Variants in FBXW7 observed in about 807,000 individuals in gnomAD.
FBXW7 encodes F-box and WD repeat domain containing 7, also known as F-box/WD repeat-containing protein 7.
FBXW7 carries 11 observed loss-of-function variants against 86.3 expected under a neutral mutation model. The ratio of observed to expected loss-of-function variants is 0.13; its 90% CI spans 0.08 to 0.21. The LOEUF is 0.21. Ranked by LOEUF, FBXW7 falls within the 10% of genes least tolerant of loss-of-function variation. The probability of loss-of-function intolerance (pLI) is 1.00; values close to 1 mark genes in which losing one functional copy is unlikely to be tolerated. For missense variants in FBXW7, 488 were observed against 847.4 expected (o/e 0.58, Z 5.27); for synonymous variants, 313 against 297.9 (o/e 1.05, Z -0.52).
chr4:152,375,132 A>G (rs1340027171), intron 4 of FBXW7, among the ~76,000 whole-genome samples: 1 of 152,044 alleles, frequency 6.6e-6, no homozygotes, highest in Non-Finnish European at 1.5e-5. Context: ...TGACAAAGCT[A>G]TGACAGAAAT....
chr4:152,377,517 C>T (rs1014221583), intron 4 of FBXW7, among the ~76,000 whole-genome samples: 1 of 151,076 alleles, frequency 6.6e-6, no homozygotes, highest in African/African-American at 2.4e-5. Flanking sequence ...TCTGGGAGAC[C>T]GAGGCAGGTG....
chr4:152,498,573 T>C (rs748247107), intron 2 of FBXW7, among the ~76,000 whole-genome samples: 1 of 152,186 alleles, frequency 6.6e-6, no homozygotes, highest in Non-Finnish European at 1.5e-5. Flanking sequence ...GCAAGCGATA[T>C]AAAGAGGCAT....
intron 2 of FBXW7, among the ~76,000 whole-genome samples, chr4:152,446,722 C>T (rs1420687472): frequency 6.6e-6 from 1 of 152,186 alleles, no homozygotes; most frequent in African/African-American, 2.4e-5. Context: ...AAGTAGTCAA[C>T]ACTCTGGTGT....
At chr4:152,385,493 G>T (rs1735451196) in intron 4 of FBXW7, among the ~76,000 whole-genome samples, 1 of 151,768 alleles carries the variant, frequency 6.6e-6, no homozygotes, top group Non-Finnish European at 1.5e-5. Context: ...CTAACGGGGG[G>T]AAAAAAGATT....
intron 4 of FBXW7, among the ~76,000 whole-genome samples, chr4:152,395,481 G>A (rs1736340806): frequency 6.6e-6 from 1 of 151,954 alleles, no homozygotes; most frequent in Non-Finnish European, 1.5e-5. Flanking sequence ...TTTATTATAT[G>A]TATTTTTCCT....
At chr4:152,485,488 T>C (rs534974341) in intron 2 of FBXW7, among the ~76,000 whole-genome samples, 1 of 144,602 alleles carries the variant, frequency 6.9e-6, no homozygotes, top group East Asian at 2.0e-4. Context: ...ATTGATGTTA[T>C]TGGTAAACTG....
chr4:152,352,137 G>C (rs1362975651), intron 4 of FBXW7, among the ~76,000 whole-genome samples: 1 of 152,042 alleles, frequency 6.6e-6, no homozygotes, highest in South Asian at 2.1e-4. Flanking sequence ...ACAAGGTATA[G>C]AAAAATTGAA....
intron 4 of FBXW7, among the ~76,000 whole-genome samples, chr4:152,391,842 C>T (rs1038575934): frequency 2.6e-5 from 4 of 152,086 alleles, no homozygotes; most frequent in African/African-American, 7.2e-5. Context: ...ATTCCTAAAC[C>T]TGTGCTTTGT....
chr4:152,407,018 G>A (rs1281522777), intron 4 of FBXW7, among the ~76,000 whole-genome samples: 1 of 152,150 alleles, frequency 6.6e-6, no homozygotes, highest in Non-Finnish European at 1.5e-5. Context: ...TATGCTACTT[G>A]TTTTACATAA....
chr4:152,423,499 C>G (rs1052554412), intron 2 of FBXW7, among the ~76,000 whole-genome samples: 13 of 152,092 alleles, frequency 8.5e-5, no homozygotes, highest in Non-Finnish European at 1.5e-4. Context: ...TACACATTTT[C>G]CCAAATAATA....
intron 7 of FBXW7, among the ~76,000 whole-genome samples, chr4:152,334,568 A>C (rs1247307711): frequency 6.6e-6 from 1 of 152,230 alleles, no homozygotes; most frequent in Non-Finnish European, 1.5e-5. Flanking sequence ...CTGAAGTACA[A>C]ATCAGGTAAT....
rs909035136 is a variant in FBXW7 at position 152,389,027 on chromosome 4, C to T, written c.501+22276G>A. Among the ~76,000 whole-genome samples, 6 of 151,930 alleles carry T rather than the reference C, an allele frequency of 3.9e-5. No individual in the cohort carries two copies. In the East Asian group the frequency reaches 1.2e-3, roughly 29 times the overall value. On this transcript the variant is annotated intron_variant, in intron 4 of 13. Transcript: ENST00000281708. ...ATACATATTTTTTCATGCCTACAAGCATGAAAAAATGTTCAACATCATTAT... is the reference window on the plus strand; with the variant it reads ...ATACATATTTTTTCATGCCTACAAGTATGAAAAAATGTTCAACATCATTAT...
intron 2 of FBXW7, among the ~76,000 whole-genome samples, chr4:152,526,063 C>T (rs1483859812): frequency 1.3e-5 from 2 of 152,112 alleles, no homozygotes; most frequent in Admixed American, 6.5e-5. Context: ...TAATATTGAG[C>T]TTTCTTTGCT....
chr4:152,426,646 T>C (rs1197595089), intron 2 of FBXW7, among the ~76,000 whole-genome samples: 1 of 151,868 alleles, frequency 6.6e-6, no homozygotes, highest in Admixed American at 6.6e-5. Flanking sequence ...AACAGGGGGA[T>C]CCCCCCAAAT....
At chr4:152,534,745 T>C (rs1750342569) in intron 2 of FBXW7, among the ~76,000 whole-genome samples, 196 bp downstream of exon 2, 1 of 152,146 alleles carries the variant, frequency 6.6e-6, no homozygotes, top group African/African-American at 2.4e-5. Flanking sequence ...ACCTGCATAC[T>C]TGCATTACTC....
At chr4:152,480,157 G>A (rs185329167) in intron 2 of FBXW7, among the ~76,000 whole-genome samples, 4 of 152,182 alleles carry the variant, frequency 2.6e-5, no homozygotes, top group African/African-American at 9.6e-5. Context: ...TCTATTTGGT[G>A]CAATTTTTCA....
chr4:152,472,104 C>T (rs934682305), intron 2 of FBXW7, among the ~76,000 whole-genome samples: 1 of 151,850 alleles, frequency 6.6e-6, no homozygotes, highest in Non-Finnish European at 1.5e-5. Flanking sequence ...ATACTACTAC[C>T]CTCCAAAATG....
intron 2 of FBXW7, among the ~76,000 whole-genome samples, chr4:152,480,301 C>T (rs546022139): frequency 6.6e-6 from 1 of 152,144 alleles, no homozygotes; most frequent in South Asian, 2.1e-4. Context: ...TGCTTTGGGC[C>T]ACCACAAATC....
intron 4 of FBXW7, among the ~76,000 whole-genome samples, chr4:152,396,578 A>C (rs1382879320): frequency 6.6e-6 from 1 of 152,072 alleles, no homozygotes; most frequent in Non-Finnish European, 1.5e-5. Flanking sequence ...TCTGCCACTC[A>C]AAGAAGGAGT....
Sources: gnomAD v4.1 joint callset for allele counts (sites outside exome capture counted in the v4.1 genomes callset) on GRCh38, gnomAD v4.1.1 for gene constraint, MANE v1.5 for transcripts, NCBI Gene and HGNC (gene_info 2026-07-23, HGNC 2026-07-21) for gene names.